The following ZFPM2 variants were observed in gnomAD, a reference collection of about 807,000 sequenced individuals.
The protein encoded by ZFPM2 is zinc finger protein, FOG family member 2, also known as zinc finger protein ZFPM2.
ZFPM2 carries 20 observed loss-of-function variants against 98.6 expected under a neutral mutation model. That is an observed-to-expected ratio of 0.20 (90% CI 0.14 to 0.29). The LOEUF (loss-of-function observed/expected upper bound fraction) is 0.29, where lower values mean the gene tolerates loss of function less well. ZFPM2 is among the 10% of genes least tolerant of loss of function. The pLI is 1.00. For missense variants in ZFPM2, 1,310 were observed against 1,388.6 expected (o/e 0.94, Z 0.90); for synonymous variants, 518 against 502.7 (o/e 1.03, Z -0.41).
chr8:105,654,519 G>A (rs1817245249), intron 5 of ZFPM2, among the ~76,000 whole-genome samples: 1 of 152,178 alleles, frequency 6.6e-6, no homozygotes, highest in Middle Eastern at 3.4e-3. Flanking sequence ...GTTTTGTGCC[G>A]GAGACACAGA....
At position 105,708,076 on chromosome 8, in the gene ZFPM2, A is replaced by G. The variant is rs73305025; in HGVS notation, c.532+73719A>G. On this transcript the variant is annotated intron_variant, in intron 5 of 7. Transcript: ENST00000407775. ...TCTTTTGGGTTGTCAGCTAGTCCCA[A>G]CAAGATTAGGAGGGATCTGACAGTT... is the stretch of plus-strand genomic sequence containing the variant. Among the ~76,000 whole-genome samples the G allele has an allele frequency of 3.3e-3, 502 of 152,286 alleles. 1 individual carries two copies. The highest frequency in any genetic ancestry group is 0.012 in the African/African-American group (484 of 41,570).
intron 4 of ZFPM2, among the ~76,000 whole-genome samples, chr8:105,581,544 A>T (rs1815599502): frequency 6.6e-6 from 1 of 152,216 alleles, no homozygotes; most frequent in African/African-American, 2.4e-5. Context: ...TGTAGCTAGA[A>T]CTAACCTGTT....
intron 5 of ZFPM2, among the ~76,000 whole-genome samples, chr8:105,707,406 T>C (rs1811289585): frequency 1.3e-5 from 2 of 152,150 alleles, no homozygotes; most frequent in African/African-American, 4.8e-5. Context: ...TAGTGTGGGA[T>C]GACAAGCATA....
At chr8:105,374,900 T>G (rs534829610) in intron 1 of ZFPM2, among the ~76,000 whole-genome samples, 54 of 151,934 alleles carry the variant, frequency 3.6e-4, no homozygotes, top group East Asian at 5.8e-4. Context: ...TTTTTTTTTT[T>G]GGGTTCAGAA....
chr8:105,587,683 A>G (rs1229470795), intron 4 of ZFPM2, among the ~76,000 whole-genome samples: 1 of 152,166 alleles, frequency 6.6e-6, no homozygotes, highest in Non-Finnish European at 1.5e-5. Context: ...AGAATTCCAC[A>G]GTATTATAAA....
chr8:105,732,645 C>T (rs1170988647), intron 5 of ZFPM2, among the ~76,000 whole-genome samples: 1 of 151,820 alleles, frequency 6.6e-6, no homozygotes, highest in Non-Finnish European at 1.5e-5. Context: ...CAATTTCTAA[C>T]AGTGTATTAA....
intron 3 of ZFPM2, among the ~76,000 whole-genome samples, chr8:105,460,097 A>G (rs1480122312): frequency 6.6e-6 from 1 of 152,160 alleles, no homozygotes; most frequent in African/African-American, 2.4e-5. Context: ...AGTGTTGATT[A>G]AGTGAGTGGA....
At chr8:105,327,116 A>G (rs1479022833) in intron 1 of ZFPM2, among the ~76,000 whole-genome samples, 1 of 151,422 alleles carries the variant, frequency 6.6e-6, no homozygotes, top group Non-Finnish European at 1.5e-5. Context: ...CATTTGGAAA[A>G]CTTTTGTGGG....
At chr8:105,754,395 T>C (rs1812547766) in intron 5 of ZFPM2, among the ~76,000 whole-genome samples, 1 of 152,164 alleles carries the variant, frequency 6.6e-6, no homozygotes, top group East Asian at 1.9e-4. Flanking sequence ...AGAAGTAGAA[T>C]TACCCATTTA....
chr8:105,503,290 TAATC>T (rs1184242503), intron 3 of ZFPM2, among the ~76,000 whole-genome samples: 3 of 152,190 alleles, frequency 2.0e-5, no homozygotes, highest in African/African-American at 7.2e-5. Context: ...GCTTTTATAT[TAATC>T]AGGAAGGAAT....
At chr8:105,428,906 G>T (rs1811963915) in intron 2 of ZFPM2, among the ~76,000 whole-genome samples, 1 of 152,142 alleles carries the variant, frequency 6.6e-6, no homozygotes, top group South Asian at 2.1e-4. Context: ...TCAAAGATCT[G>T]GAGAAGTAGA....
chr8:105,465,972 G>T (rs1275271968), intron 3 of ZFPM2, among the ~76,000 whole-genome samples: 1 of 151,886 alleles, frequency 6.6e-6, no homozygotes, highest in African/African-American at 2.4e-5. Flanking sequence ...AAATGCATTT[G>T]CCTAAACATT....
At chr8:105,421,914 G>T (rs1477942593) in intron 2 of ZFPM2, among the ~76,000 whole-genome samples, 2 of 151,758 alleles carry the variant, frequency 1.3e-5, no homozygotes, top group Non-Finnish European at 2.9e-5. Context: ...GGGTGTGGTG[G>T]TGGGTGCCTA....
chr8:105,641,314 G>A (rs1816944747), intron 5 of ZFPM2, among the ~76,000 whole-genome samples: 2 of 152,020 alleles, frequency 1.3e-5, no homozygotes, highest in East Asian at 1.9e-4. Flanking sequence ...AACAGTAATT[G>A]ATTGCAGAGC....
chr8:105,360,067 T>G (rs939613342), intron 1 of ZFPM2, among the ~76,000 whole-genome samples: 13 of 152,218 alleles, frequency 8.5e-5, no homozygotes, highest in African/African-American at 3.1e-4. Flanking sequence ...GGTTTCATTT[T>G]GGTACATGGC....
At chr8:105,522,698 G>A (rs1814089615) in intron 3 of ZFPM2, among the ~76,000 whole-genome samples, 2 of 151,866 alleles carry the variant, frequency 1.3e-5, no homozygotes, top group Admixed American at 1.3e-4. Flanking sequence ...TTGAACCCGG[G>A]AGGTGGAGGT....
At chr8:105,686,014 CT>C (rs2130928878) in intron 5 of ZFPM2, among the ~76,000 whole-genome samples, 1 of 152,114 alleles carries the variant, frequency 6.6e-6, no homozygotes, top group African/African-American at 2.4e-5. Flanking sequence ...ATTGGAAGCT[CT>C]TCTGAAACCC....
At chr8:105,474,639 T>C (rs2130361371) in intron 3 of ZFPM2, among the ~76,000 whole-genome samples, 1 of 152,344 alleles carries the variant, frequency 6.6e-6, no homozygotes, top group South Asian at 2.1e-4. Context: ...ATATCATTTA[T>C]CTTCTTATAA....
intron 3 of ZFPM2, among the ~76,000 whole-genome samples, chr8:105,448,539 C>T (rs1173545649): frequency 8.6e-5 from 13 of 151,902 alleles, no homozygotes; most frequent in Admixed American, 8.5e-4. Flanking sequence ...TGTCATTTCC[C>T]TCCTGTGGGC....
Sources: allele counts gnomAD v4.1 joint callset (sites outside exome capture counted in the v4.1 genomes callset), GRCh38; gene constraint gnomAD v4.1.1; transcripts MANE v1.5; gene names NCBI Gene and HGNC (gene_info 2026-07-23, HGNC 2026-07-21).